Variants in SEMA3A observed in about 807,000 individuals in gnomAD.
The protein encoded by SEMA3A is semaphorin-3A.
Under a neutral mutation model 97.9 loss-of-function variants are expected in SEMA3A, and 29 were observed. That is an observed-to-expected ratio of 0.30 (90% CI 0.22 to 0.40). The LOEUF (loss-of-function observed/expected upper bound fraction) is 0.40, where lower values mean the gene tolerates loss of function less well. SEMA3A is among the 10% of genes least tolerant of loss of function. The pLI is 1.00. For missense variants in SEMA3A, 763 were observed against 951.3 expected, an observed-to-expected ratio of 0.80 and a Z score of 2.60; for synonymous variants, 321 against 323.7, an observed-to-expected ratio of 0.99 and a Z score of 0.09.
intron 3 of SEMA3A, among the ~76,000 whole-genome samples, chr7:84,225,645 C>A (rs1027966835): frequency 1.3e-5 from 2 of 152,020 alleles, no homozygotes; most frequent in Non-Finnish European, 2.9e-5. Flanking sequence ...TGTTTGCCTG[C>A]ATCAATCACC....
At chr7:84,018,603 G>C (rs762822044) in intron 6 of SEMA3A, among the ~76,000 whole-genome samples, 42 of 152,164 alleles carry the variant, frequency 2.8e-4, no homozygotes, top group Non-Finnish European at 5.7e-4. Flanking sequence ...ATAAGTCTTA[G>C]TCAGAAGATA....
At chr7:84,270,358 A>G (rs577222152) in intron 3 of SEMA3A, among the ~76,000 whole-genome samples, 6 of 152,108 alleles carry the variant, frequency 3.9e-5, no homozygotes, top group African/African-American at 1.4e-4. Flanking sequence ...ACTGTGCAAG[A>G]GAATACAAGT....
At chr7:84,313,072 T>A (rs1801385309) in intron 2 of SEMA3A, among the ~76,000 whole-genome samples, 1 of 144,636 alleles carries the variant, frequency 6.9e-6, no homozygotes, top group African/African-American at 2.5e-5. Context: ...ATATATATAC[T>A]ATATAATATA....
At chr7:84,114,244 A>G (rs1012190981) in intron 3 of SEMA3A, among the ~76,000 whole-genome samples, 4 of 152,170 alleles carry the variant, frequency 2.6e-5, no homozygotes, top group Non-Finnish European at 4.4e-5. Flanking sequence ...ACCTCCTTGC[A>G]TGTTCTTAAA....
At chr7:84,364,842 A>G (rs1336638096) in intron 2 of SEMA3A, among the ~76,000 whole-genome samples, 1 of 136,852 alleles carries the variant, frequency 7.3e-6, no homozygotes. Flanking sequence ...AAAAAAGAAC[A>G]AGAGAAAAAA....
chr7:84,011,629 T>C (rs904681972), intron 7 of SEMA3A, among the ~76,000 whole-genome samples: 5 of 152,122 alleles, frequency 3.3e-5, no homozygotes, highest in Admixed American at 1.3e-4. Context: ...GGTCTACAAT[T>C]CAGCCTTAAG....
intron 3 of SEMA3A, 53 bp from the exon 4 acceptor site, chr7:84,110,642 A>G: frequency 6.2e-7 from 1 of 1,607,610 alleles, no homozygotes; most frequent in South Asian, 1.1e-5. Context: ...TGACTGAGGT[A>G]TCCTCTAGGG....
At chr7:84,477,676 A>G (rs752570686) in intron 1 of SEMA3A, among the ~76,000 whole-genome samples, 1 of 151,662 alleles carries the variant, frequency 6.6e-6, no homozygotes, top group Non-Finnish European at 1.5e-5. Context: ...CCATATCTAT[A>G]GAGGTGTTGG....
rs565854403 is a variant in SEMA3A, at chr7:84,442,367, A to G, written c.-246+50093T>C. ...CCTCTTAAATAAGCAGAGAGTTTGT[A>G]TTTTATTGAAGTTATGCTGGTGTAA... On this transcript the variant is annotated intron_variant, in intron 1 of 3. Transcript: ENST00000424555. Among the ~76,000 whole-genome samples the G allele has an allele frequency of 9.9e-5, 15 of 152,246 alleles. No homozygotes were observed. The South Asian group carries it at 3.1e-3, about 32-fold the overall frequency.
intron 3 of SEMA3A, among the ~76,000 whole-genome samples, chr7:84,206,384 A>G (rs964219163): frequency 1.4e-4 from 20 of 142,856 alleles, no homozygotes; most frequent in African/African-American, 4.8e-4. Context: ...GTGCAGTGGC[A>G]TGATCTTGGC....
intron 12 of SEMA3A, among the ~76,000 whole-genome samples, chr7:83,996,443 C>A (rs1378040937): frequency 6.6e-6 from 1 of 151,664 alleles, no homozygotes; most frequent in Non-Finnish European, 1.5e-5. Flanking sequence ...GCTGGGATTA[C>A]AGGCATGTGC....
At chr7:84,074,644 G>C (rs188872829) in intron 4 of SEMA3A, among the ~76,000 whole-genome samples, 2 of 152,010 alleles carry the variant, frequency 1.3e-5, no homozygotes, top group Admixed American at 6.6e-5. Context: ...TACCTATAAG[G>C]AAATTTAGGT....
At chr7:84,089,261 C>T (rs529777142) in intron 4 of SEMA3A, among the ~76,000 whole-genome samples, 4 of 152,098 alleles carry the variant, frequency 2.6e-5, no homozygotes, top group Non-Finnish European at 5.9e-5. Context: ...AGAATATATG[C>T]TGTTGTATAC....
At chr7:84,398,730 C>T (rs62474862) in intron 1 of SEMA3A, among the ~76,000 whole-genome samples, 2,131 of 151,904 alleles carry the variant, frequency 0.014, 22 homozygotes, top group Non-Finnish European at 0.023. Flanking sequence ...ATCACTAGAG[C>T]CCAGGAGTTT....
chr7:84,171,373 C>A (rs183992441), intron 1 of SEMA3A, among the ~76,000 whole-genome samples: 1 of 152,202 alleles, frequency 6.6e-6, no homozygotes, highest in East Asian at 1.9e-4. Flanking sequence ...TCTTCACTGG[C>A]AATTTCAGTG....
rs1520107 is a variant in SEMA3A, at chr7:84,263,412, A to G, written c.-83+43795T>C. ...AGTGTGTAACTTTAATATTGGCAAC[A>G]AGAGCTATGGTATTTTTTCTTAGCT... On this transcript the variant is annotated intron_variant, in intron 3 of 3. Transcript: ENST00000424555. Among the ~76,000 whole-genome samples the G allele has an allele frequency of 4.2e-3, 642 of 152,310 alleles. 2 individuals carry two copies. Among genetic ancestry groups the G allele is most frequent in the African/African-American group, 0.014 (600 of 41,576 alleles).
At chr7:84,334,786 A>C (rs1801996565) in intron 2 of SEMA3A, among the ~76,000 whole-genome samples, 3 of 144,012 alleles carry the variant, frequency 2.1e-5, no homozygotes, top group Admixed American at 7.0e-5. Context: ...TTTTCCTCTC[A>C]CTCACAACCC....
intron 2 of SEMA3A, among the ~76,000 whole-genome samples, chr7:84,335,270 A>G (rs1201710461): frequency 6.6e-6 from 1 of 152,162 alleles, no homozygotes; most frequent in African/African-American, 2.4e-5. Flanking sequence ...ATAATAATGG[A>G]CTACACTACT....
intron 1 of SEMA3A, among the ~76,000 whole-genome samples, chr7:84,405,634 C>T (rs949686536): frequency 3.3e-5 from 5 of 152,184 alleles, no homozygotes; most frequent in African/African-American, 1.2e-4. Flanking sequence ...AAAATGACCA[C>T]ATAGTTGGAA....
Sources: gnomAD v4.1 joint callset for allele counts (sites outside exome capture counted in the v4.1 genomes callset) on GRCh38, gnomAD v4.1.1 for gene constraint, MANE v1.5 for transcripts, NCBI Gene and HGNC (gene_info 2026-07-23, HGNC 2026-07-21) for gene names.